The following ENTPD1 variants were observed in gnomAD, a reference collection of about 807,000 sequenced individuals.
ENTPD1 encodes the protein ATP diphosphohydrolase.
ENTPD1 carries 33 observed loss-of-function variants against 57.0 expected under a neutral mutation model. The ratio of observed to expected loss-of-function variants is 0.58; its 90% CI spans 0.44 to 0.77. ENTPD1 has a LOEUF of 0.77. ENTPD1 is among the 30% of genes least tolerant of loss of function. The probability of loss-of-function intolerance (pLI) is 0.00; values close to 1 mark genes in which losing one functional copy is unlikely to be tolerated. For synonymous variants in ENTPD1, 202 were observed against 218.8 expected (o/e 0.92, Z 0.68); for missense variants, 501 against 603.4 (o/e 0.83, Z 1.78).
At chr10:95,732,992 CAG>C (rs2097990875) in intron 1 of ENTPD1, among the ~76,000 whole-genome samples, 1 of 152,150 alleles carries the variant, frequency 6.6e-6, no homozygotes, top group African/African-American at 2.4e-5. Context: ...TATCAGGAGA[CAG>C]GGTTTGAGAG....
In ENTPD1 at chr10:95,876,476, T is replaced by G. The variant is rs2098485906; in HGVS notation, c.*10093T>G. On this transcript the variant is annotated 3_prime_UTR_variant, in exon 10 of 10. Transcript: ENST00000371205. ...TTGTAATCAATAGCTTAAAAATATGTCTCTCTGTCCTATTCTGTATCTGTA... is the reference window on the plus strand; with the variant it reads ...TTGTAATCAATAGCTTAAAAATATGGCTCTCTGTCCTATTCTGTATCTGTA... 2 of 1,231,332 alleles carry G rather than the reference T, an allele frequency of 1.6e-6. No homozygotes were observed. The highest frequency in any genetic ancestry group is 8.4e-5 in the Admixed American group (2 of 23,692). 76.3% of individuals were successfully genotyped at this position (1,231,332 alleles called of 1,614,324 possible). A position where few individuals can be genotyped will look rare whatever the true frequency, so the allele number is the denominator to read the frequency against.
upstream of ENTPD1, among the ~76,000 whole-genome samples, chr10:95,750,860 T>C (rs1243993374): frequency 1.3e-5 from 2 of 152,026 alleles, no homozygotes; most frequent in African/African-American, 4.8e-5. Context: ...CCATCTCCAC[T>C]AAAAATACAA....
At chr10:95,840,549 T>C (rs2098420268) in intron 3 of ENTPD1, among the ~76,000 whole-genome samples, 1 of 152,160 alleles carries the variant, frequency 6.6e-6, no homozygotes. Context: ...ATCGTTTAAA[T>C]TTTGTTTCAC....
Position 95,837,956 on chromosome 10 carries a change from T to TCACACACACACACA in ENTPD1, c.145-1721_145-1708dup, listed in dbSNP as rs142329357. The stretch of plus-strand genomic sequence containing the variant: ...ACCTAGCTTATATATGTAGGGAGAT[T>TCACACACACACACA]CACACACACACACACACACACACAC... On this transcript the variant is annotated intron_variant, in intron 2 of 9. Coordinates refer to ENST00000371205, the MANE Select transcript of ENTPD1 (RefSeq NM_001776.6). Among the ~76,000 whole-genome samples the TCACACACACACACA allele has an allele frequency of 1.1e-3, 159 of 146,924 alleles. No individual in the cohort carries two copies. In the South Asian group the frequency reaches 0.013, roughly 12 times the overall value.
At chr10:95,825,768 C>T (rs546309433) in intron 2 of ENTPD1, among the ~76,000 whole-genome samples, 1 of 151,920 alleles carries the variant, frequency 6.6e-6, no homozygotes, top group Non-Finnish European at 1.5e-5. Context: ...TTAGTAGAGA[C>T]GGGGTTTCAC....
chr10:95,716,185 A>G (rs1421837457), intron 1 of ENTPD1, among the ~76,000 whole-genome samples: 1 of 152,166 alleles, frequency 6.6e-6, no homozygotes, highest in Non-Finnish European at 1.5e-5. Flanking sequence ...GTATATTTTT[A>G]AAGTTCATTT....
chr10:95,796,981 G>T (rs1014655406), intron 1 of ENTPD1, among the ~76,000 whole-genome samples: 7 of 152,136 alleles, frequency 4.6e-5, no homozygotes, highest in African/African-American at 1.7e-4. Flanking sequence ...GCTGAGACAG[G>T]AGAATCACTT....
intron 7 of ENTPD1, among the ~76,000 whole-genome samples, chr10:95,859,183 G>A (rs1484950343): frequency 1.3e-5 from 2 of 152,146 alleles, no homozygotes; most frequent in Non-Finnish European, 2.9e-5. Context: ...TAAGAAGCTG[G>A]CACTGGGTTT....
chr10:95,809,830 GGC>G (rs2098294724), intron 1 of ENTPD1, among the ~76,000 whole-genome samples: 2 of 148,876 alleles, frequency 1.3e-5, no homozygotes, highest in South Asian at 2.2e-4. Flanking sequence ...TCCCAGACGG[GGC>G]AGCGGCCGGG....
chr10:95,778,531 C>A (rs560237302), intron 1 of ENTPD1, among the ~76,000 whole-genome samples: 1 of 152,150 alleles, frequency 6.6e-6, no homozygotes, highest in Non-Finnish European at 1.5e-5. Context: ...AACTAATATT[C>A]CCTAACTGTT....
chr10:95,870,402 G>C lies in ENTPD1; in HGVS notation c.*4019G>C, dbSNP rs539402769. 1.2e-5 allele frequency: 9 copies of C among 737,098 alleles called. No individual in the cohort carries two copies. The South Asian group carries it at 4.9e-4, about 40-fold the overall frequency. The allele number at this position is 737,098 out of a possible 1,614,324, so 45.7% of individuals were successfully genotyped here. ...CAAGCTCAAGCAAGGCTACAGGTGT[G>C]CACCTAAGTAGCTAGGACTACAGGT... On this transcript the variant is annotated 3_prime_UTR_variant, in exon 10 of 10. Transcript: ENST00000371205.
intron 1 of ENTPD1, chr10:95,712,080 A>C (rs1471476679): frequency 7.0e-6 from 11 of 1,580,838 alleles, no homozygotes; most frequent in Non-Finnish European, 9.5e-6. Flanking sequence ...TGTTTGTCTC[A>C]TTTTCATCTC....
chr10:95,844,359 A>G, intron 4 of ENTPD1, 117 bp from the exon 5 acceptor site: 1 of 1,403,814 alleles, frequency 7.1e-7, no homozygotes, highest in Non-Finnish European at 1.0e-6. Context: ...CTCTTCATTT[A>G]TTCCAGGGCA....
intron 1 of ENTPD1, among the ~76,000 whole-genome samples, chr10:95,800,164 C>T (rs1007761398): frequency 4.6e-5 from 7 of 152,048 alleles, no homozygotes; most frequent in Admixed American, 2.0e-4. Context: ...TCTATTTTCC[C>T]TAAGTGTTGG....
chr10:95,740,251 G>A (rs1225832241), intron 1 of ENTPD1, among the ~76,000 whole-genome samples: 6 of 152,082 alleles, frequency 3.9e-5, no homozygotes, highest in Non-Finnish European at 7.4e-5. Context: ...TCGGCCTCCC[G>A]AATAGCTGGG....
rs1260570315 is a variant in ENTPD1, at chr10:95,876,702, A to G, written c.*10319A>G. ...ACAAGTTATTTTAAAACTTATTGGA[A>G]TATTCAAATATTAACCAAAGTAGAA... On this transcript the variant is annotated 3_prime_UTR_variant, in exon 10 of 10. Coordinates refer to ENST00000371205, the MANE Select transcript of ENTPD1 (RefSeq NM_001776.6). 6.0e-6 allele frequency: 7 copies of G among 1,172,924 alleles called. No individual in the cohort carries two copies. Among genetic ancestry groups the G allele is most frequent in the Non-Finnish European group, 7.4e-6 (7 of 940,944 alleles). The allele number at this position is 1,172,924 out of a possible 1,614,324, so 72.7% of individuals were successfully genotyped here. A position where few individuals can be genotyped will look rare whatever the true frequency, so the allele number is the denominator to read the frequency against.
chr10:95,759,410 A>C (rs1375192248), intron 1 of ENTPD1, among the ~76,000 whole-genome samples: 1 of 152,244 alleles, frequency 6.6e-6, no homozygotes, highest in East Asian at 1.9e-4. Context: ...TGGAGATTTC[A>C]GATGCCTCAT....
chr10:95,758,602 T>C (rs1337307612), intron 1 of ENTPD1, among the ~76,000 whole-genome samples: 1 of 152,170 alleles, frequency 6.6e-6, no homozygotes, highest in African/African-American at 2.4e-5. Context: ...TGCATCACCT[T>C]CTCTCCCTTC....
At chr10:95,794,965 A>T (rs974750569) in intron 1 of ENTPD1, among the ~76,000 whole-genome samples, 1 of 152,216 alleles carries the variant, frequency 6.6e-6, no homozygotes. Flanking sequence ...TACGGGCTAG[A>T]TAAAGGATTG....
Sources: gnomAD v4.1 joint callset for allele counts (sites outside exome capture counted in the v4.1 genomes callset) on GRCh38, gnomAD v4.1.1 for gene constraint, MANE v1.5 for transcripts, NCBI Gene and HGNC (gene_info 2026-07-23, HGNC 2026-07-21) for gene names.